MCC: variants seen among roughly 807,000 people sequenced by gnomAD.
The protein encoded by MCC is colorectal mutant cancer protein.
A neutral mutation model predicts 116.2 loss-of-function variants in MCC; 90 were observed. The observed-to-expected ratio is 0.77, with a 90% confidence interval of 0.65 to 0.92. The LOEUF is 0.92. Among genes scored for constraint, MCC ranks in the 40% least tolerant of loss-of-function variants. The pLI is 0.00. For synonymous variants in MCC, 578 were observed against 510.5 expected (o/e 1.13, Z -1.78); for missense variants, 1,516 against 1,312.2 (o/e 1.16, Z -2.40).
chr5:113,472,921 C>T (rs1412528069), intron 1 of MCC, among the ~76,000 whole-genome samples: 4 of 152,104 alleles, frequency 2.6e-5, no homozygotes, highest in Admixed American at 2.6e-4. Context: ...TAGTATTAAA[C>T]TATTGGTTCA....
At chr5:113,441,490 A>AT (rs1318004530) in intron 1 of MCC, among the ~76,000 whole-genome samples, 7 of 151,084 alleles carry the variant, frequency 4.6e-5, no homozygotes, top group African/African-American at 1.7e-4. Context: ...ATCACTTATT[A>AT]TTTTTTGTTT....
intron 7 of MCC, 68 bp from the exon 8 acceptor site, chr5:113,102,013 G>A (rs1756451490): frequency 6.8e-7 from 1 of 1,468,804 alleles, no homozygotes; most frequent in Non-Finnish European, 9.5e-7. Flanking sequence ...GAAGAAAATA[G>A]GCTGAACAGG....
At chr5:113,261,148 A>C (rs1444496111) in intron 3 of MCC, among the ~76,000 whole-genome samples, 1 of 152,162 alleles carries the variant, frequency 6.6e-6, no homozygotes, top group Non-Finnish European at 1.5e-5. Flanking sequence ...TAACTTGCTA[A>C]ACGTAATAGC....
At chr5:113,246,917 T>C (rs1461926683) in intron 3 of MCC, among the ~76,000 whole-genome samples, 3 of 152,184 alleles carry the variant, frequency 2.0e-5, no homozygotes, top group African/African-American at 4.8e-5. Flanking sequence ...CAGCCCCCTT[T>C]ATATTTAAGC....
intron 6 of MCC, among the ~76,000 whole-genome samples, chr5:113,114,129 G>GA (rs112805458): frequency 0.031 from 4,760 of 152,120 alleles, 250 homozygotes; most frequent in African/African-American, 0.11. Flanking sequence ...GCAAGAGAGA[G>GA]AAAAAAATCA....
intron 3 of MCC, among the ~76,000 whole-genome samples, chr5:113,187,719 C>T (rs1304161029): frequency 6.8e-6 from 1 of 147,000 alleles, no homozygotes; most frequent in Non-Finnish European, 1.5e-5. Flanking sequence ...CGCGCCACTG[C>T]ACTCCGGCCT....
rs145246901 is a variant in MCC, at chr5:113,329,011, C to A, written c.627+11508G>T. ...TACAAACTCAAGCTGTGGAGTCAAA[C>A]AAACCTGGGTTCACATCTCAGCCTG... On this transcript the variant is annotated intron_variant, in intron 3 of 18. Coordinates refer to ENST00000408903, the MANE Select transcript of MCC (RefSeq NM_001085377.2). Among the ~76,000 whole-genome samples the A allele has an allele frequency of 1.2e-3, 190 of 152,282 alleles. 6 individuals carry two copies. In the East Asian group the frequency reaches 0.02, roughly 16 times the overall value.
intron 16 of MCC, among the ~76,000 whole-genome samples, chr5:113,045,847 G>A (rs1203715523): frequency 1.3e-5 from 2 of 151,472 alleles, no homozygotes; most frequent in African/African-American, 4.8e-5. Context: ...ACACAGCCAT[G>A]GCCACTGGTC....
At chr5:113,315,485 A>T (rs918911468) in intron 3 of MCC, among the ~76,000 whole-genome samples, 1 of 152,208 alleles carries the variant, frequency 6.6e-6, no homozygotes, top group Admixed American at 6.5e-5. Context: ...TGCTGCATAC[A>T]GCCAACATAG....
chr5:113,410,758 C>G (rs188964472), intron 1 of MCC, among the ~76,000 whole-genome samples: 5 of 152,208 alleles, frequency 3.3e-5, no homozygotes, highest in Admixed American at 3.3e-4. Context: ...CCTCCCCCAA[C>G]GCTCCACCCT....
chr5:113,280,262 G>C (rs185997722), intron 3 of MCC, among the ~76,000 whole-genome samples: 1 of 152,182 alleles, frequency 6.6e-6, no homozygotes, highest in African/African-American at 2.4e-5. Context: ...AGGGAACCTG[G>C]GGGTGGTGGG....
intron 3 of MCC, among the ~76,000 whole-genome samples, chr5:113,309,539 T>C (rs1767086571): frequency 6.6e-6 from 1 of 152,210 alleles, no homozygotes; most frequent in African/African-American, 2.4e-5. Context: ...AAAGACAGTA[T>C]TTCATTGTTT....
chr5:113,041,255 G>A (rs529333774), intron 17 of MCC, among the ~76,000 whole-genome samples: 11 of 152,264 alleles, frequency 7.2e-5, no homozygotes, highest in East Asian at 1.9e-4. Context: ...AAACAGGCCC[G>A]CTGGATCAAG....
At chr5:113,416,235 T>C (rs988933113) in intron 1 of MCC, among the ~76,000 whole-genome samples, 21 of 152,204 alleles carry the variant, frequency 1.4e-4, no homozygotes, top group African/African-American at 4.8e-4. Context: ...CCGACTTTTC[T>C]GTATGCTTAA....
intron 8 of MCC, 42 bp from the exon 9 acceptor site, chr5:113,085,352 G>T: frequency 6.4e-7 from 1 of 1,563,714 alleles, no homozygotes; most frequent in Non-Finnish European, 8.7e-7. Flanking sequence ...TGGTTTCCCT[G>T]GCTAAAGAGC....
rs189618451 is a variant in MCC, at chr5:113,333,492, T to C, written c.627+7027A>G. Among the ~76,000 whole-genome samples the C allele has an allele frequency of 7.2e-4, 109 of 151,582 alleles. 1 individual carries two copies. The highest frequency in any genetic ancestry group is 5.4e-3 in the Admixed American group (82 of 15,266). On this transcript the variant is annotated intron_variant, in intron 3 of 18. Coordinates refer to ENST00000408903, the MANE Select transcript of MCC (RefSeq NM_001085377.2). ...ATTTTATTTGCACAACTCATGACTT[T>C]TTTTCTCCTTTAAAAATGTAAATTA...
At chr5:113,139,823 G>A (rs1316152228) in intron 5 of MCC, among the ~76,000 whole-genome samples, 1 of 152,138 alleles carries the variant, frequency 6.6e-6, no homozygotes, top group Non-Finnish European at 1.5e-5. Context: ...CCAGGTTCAA[G>A]CGATTCTCCT....
intron 3 of MCC, among the ~76,000 whole-genome samples, chr5:113,220,812 A>G (rs749833166): frequency 2.6e-5 from 4 of 152,132 alleles, no homozygotes; most frequent in Non-Finnish European, 5.9e-5. Flanking sequence ...GAAGCCTTTT[A>G]TTGTTTTTCC....
intron 1 of MCC, among the ~76,000 whole-genome samples, chr5:113,484,583 G>A (rs548042922): frequency 6.6e-6 from 1 of 152,156 alleles, no homozygotes; most frequent in Non-Finnish European, 1.5e-5. Context: ...CACTTTGAAA[G>A]AAAGCAATCA....
Sources: allele counts gnomAD v4.1 joint callset (sites outside exome capture counted in the v4.1 genomes callset), GRCh38; gene constraint gnomAD v4.1.1; transcripts MANE v1.5; gene names NCBI Gene and HGNC (gene_info 2026-07-23, HGNC 2026-07-21).